ZBTB8OS: variants seen among roughly 807,000 people sequenced by gnomAD.
The protein encoded by ZBTB8OS is tRNA splicing ligase complex subunit 1.
ZBTB8OS carries 16 observed loss-of-function variants against 29.3 expected under a neutral mutation model. The ratio of observed to expected loss-of-function variants is 0.55; its 90% CI spans 0.37 to 0.83. The LOEUF is 0.83. Among genes scored for constraint, ZBTB8OS ranks in the 40% least tolerant of loss-of-function variants. ZBTB8OS has a pLI of 0.00. For synonymous variants in ZBTB8OS, 70 were observed against 64.6 expected, an observed-to-expected ratio of 1.08 and a Z score of -0.40; for missense variants, 160 against 196.9, an observed-to-expected ratio of 0.81 and a Z score of 1.12.
chr1:32,648,985 T>C (rs1647067624), intron 1 of ZBTB8OS, among the ~76,000 whole-genome samples: 1 of 138,888 alleles, frequency 7.2e-6, no homozygotes, highest in Non-Finnish European at 1.5e-5. Context: ...TTTTTTTTTT[T>C]TGAGACAGTC....
Position 32,621,837 on chromosome 1 carries a change from T to C in ZBTB8OS, c.*25A>G, listed in dbSNP as rs755326973. The C allele has an allele frequency of 4.0e-6, 6 of 1,494,220 alleles. No individual in the cohort carries two copies. Among genetic ancestry groups the C allele is most frequent in the Non-Finnish European group, 4.6e-6 (5 of 1,095,856 alleles). 92.6% of individuals were successfully genotyped at this position (1,494,220 alleles called of 1,614,324 possible). ...AGAGGAAAACAAAAACAGTTCTTCG[T>C]AGGAGTCTTTTATTTTTTGGTGTCT... On this transcript the variant is annotated 3_prime_UTR_variant, in exon 7 of 7. Coordinates refer to ENST00000468695, the MANE Select transcript of ZBTB8OS (RefSeq NM_178547.5).
intron 6 of ZBTB8OS, among the ~76,000 whole-genome samples, chr1:32,622,450 T>A (rs1339700048): frequency 6.6e-6 from 1 of 152,104 alleles, no homozygotes; most frequent in Non-Finnish European, 1.5e-5. Context: ...GAGGCCATTA[T>A]CCTAAGTGAA....
Position 32,621,964 on chromosome 1 carries a change from G to GAC in ZBTB8OS, c.418-17_418-16insGT. The GAC allele has an allele frequency of 2.9e-6, 3 of 1,022,920 alleles. No individual in the cohort carries two copies. The highest frequency in any genetic ancestry group is 3.9e-6 in the Non-Finnish European group (3 of 762,574). 63.4% of individuals were successfully genotyped at this position (1,022,920 alleles called of 1,614,324 possible). A position where few individuals can be genotyped will look rare whatever the true frequency, so the allele number is the denominator to read the frequency against. ...CTTCTGTTCCCTAAAGTTGGGGTTA[G>GAC]AGAAAAAAAAAAAAAAAAGGAAAAT... On this transcript the variant is annotated splice_polypyrimidine_tract_variant and intron_variant, in intron 6 of 6. Coordinates refer to ENST00000468695, the MANE Select transcript of ZBTB8OS (RefSeq NM_178547.5).
intron 4 of ZBTB8OS, among the ~76,000 whole-genome samples, chr1:32,632,664 G>GT (rs1645660906): frequency 6.6e-6 from 1 of 152,146 alleles, no homozygotes; most frequent in Non-Finnish European, 1.5e-5. Flanking sequence ...AAGGAAATAA[G>GT]TTTTTTCTTA....
intron 1 of ZBTB8OS, among the ~76,000 whole-genome samples, chr1:32,637,919 T>C (rs6698213): frequency 1.3e-5 from 2 of 152,136 alleles, no homozygotes; most frequent in East Asian, 3.8e-4. Context: ...CTGCAACCTC[T>C]GCCTCCCAGG....
intron 6 of ZBTB8OS, among the ~76,000 whole-genome samples, chr1:32,622,452 C>T (rs1644822169): frequency 6.6e-6 from 1 of 152,072 alleles, no homozygotes; most frequent in Non-Finnish European, 1.5e-5. Context: ...GGCCATTATC[C>T]TAAGTGAATT....
intron 1 of ZBTB8OS, among the ~76,000 whole-genome samples, chr1:32,649,949 C>A (rs1222698782): frequency 1.3e-5 from 2 of 152,132 alleles, no homozygotes; most frequent in African/African-American, 2.4e-5. Context: ...CAGGCCTCAG[C>A]CACCGAGCCC....
At chr1:32,645,589 T>C (rs908476184) in intron 1 of ZBTB8OS, among the ~76,000 whole-genome samples, 21 of 152,178 alleles carry the variant, frequency 1.4e-4, no homozygotes, top group African/African-American at 4.6e-4. Flanking sequence ...AGAGTCTTGC[T>C]ATGTAGCCCA....
At chr1:32,623,904 T>C (rs1570434962) in intron 6 of ZBTB8OS, among the ~76,000 whole-genome samples, 1 of 152,134 alleles carries the variant, frequency 6.6e-6, no homozygotes, top group Non-Finnish European at 1.5e-5. Context: ...AATCTCCACG[T>C]GTTGTGGGAG....
intron 1 of ZBTB8OS, among the ~76,000 whole-genome samples, chr1:32,648,586 T>A (rs1378970800): frequency 6.6e-6 from 1 of 152,192 alleles, no homozygotes; most frequent in East Asian, 1.9e-4. Context: ...TAGTTGAGGA[T>A]GGGGGCTGCC....
intron 5 of ZBTB8OS, among the ~76,000 whole-genome samples, chr1:32,630,910 G>A (rs750557209): frequency 2.0e-5 from 3 of 152,118 alleles, no homozygotes; most frequent in African/African-American, 7.2e-5. Context: ...CTACTCGGGA[G>A]GCTGAGGCAG....
chr1:32,637,899 T>A (rs2148407122), intron 1 of ZBTB8OS, among the ~76,000 whole-genome samples: 1 of 152,200 alleles, frequency 6.6e-6, no homozygotes, highest in South Asian at 2.1e-4. Context: ...AGTGGAGTGA[T>A]CTTGGCTCAC....
intron 1 of ZBTB8OS, chr1:32,640,126 T>C (rs2148422318): frequency 6.6e-6 from 1 of 152,234 alleles, no homozygotes; most frequent in Non-Finnish European, 1.5e-5. Context: ...TGAGACAGTC[T>C]TGCTCTGTCG....
chr1:32,647,689 A>G (rs967365725), intron 1 of ZBTB8OS, among the ~76,000 whole-genome samples: 1 of 152,222 alleles, frequency 6.6e-6, no homozygotes, highest in Non-Finnish European at 1.5e-5. Context: ...TGAGGGATCT[A>G]GGCTGTGTGC....
At chr1:32,648,889 C>G (rs1045100076) in intron 1 of ZBTB8OS, among the ~76,000 whole-genome samples, 10 of 151,166 alleles carry the variant, frequency 6.6e-5, no homozygotes, top group African/African-American at 2.4e-4. Flanking sequence ...ATCTCAAGCT[C>G]CTGACCTCAG....
intron 1 of ZBTB8OS, among the ~76,000 whole-genome samples, chr1:32,643,935 C>T (rs920935227): frequency 7.9e-5 from 12 of 151,836 alleles, no homozygotes; most frequent in East Asian, 5.8e-4. Flanking sequence ...GTTAGAAAAA[C>T]GCCACACTTT....
At chr1:32,650,689 G>A, upstream of ZBTB8OS, 1 of 1,304,802 alleles carries the variant, frequency 7.7e-7, no homozygotes, top group African/African-American at 1.5e-5. Flanking sequence ...CTACCCTGCC[G>A]CTTGGATCGC....
In ZBTB8OS at chr1:32,650,258, T is replaced by C. The variant is rs537212742; in HGVS notation, c.97+175A>G. On this transcript the variant is annotated intron_variant, in intron 1 of 6. Transcript: ENST00000468695. Reference sequence around the variant, plus strand: ...TTTCGCGACTATTAAACCAGGTGGCTTTTTCCTTCAGCATCCCCAGGAGAA... The same window carrying C: ...TTTCGCGACTATTAAACCAGGTGGCCTTTTCCTTCAGCATCCCCAGGAGAA... 341 of 826,146 alleles carry C rather than the reference T, an allele frequency of 4.1e-4. No homozygotes were observed. In the African/African-American group the frequency reaches 5.0e-3, roughly 12 times the overall value. 51.2% of individuals were successfully genotyped at this position (826,146 alleles called of 1,614,324 possible).
At chr1:32,626,108 G>A (rs1645114550) in intron 6 of ZBTB8OS, among the ~76,000 whole-genome samples, 1 of 152,132 alleles carries the variant, frequency 6.6e-6, no homozygotes, top group African/African-American at 2.4e-5. Flanking sequence ...CCTGACTTCA[G>A]GTGATTCACC....
Sources: gnomAD v4.1 joint callset for allele counts (sites outside exome capture counted in the v4.1 genomes callset) on GRCh38, gnomAD v4.1.1 for gene constraint, MANE v1.5 for transcripts, NCBI Gene and HGNC (gene_info 2026-07-23, HGNC 2026-07-21) for gene names.